The following CDH22 variants were observed in gnomAD, a reference collection of about 807,000 sequenced individuals.
CDH22 encodes the protein cadherin-22.
CDH22 carries 30 observed loss-of-function variants against 58.4 expected under a neutral mutation model. That is an observed-to-expected ratio of 0.51 (90% CI 0.38 to 0.70). The LOEUF is 0.70. CDH22 is among the 30% of genes least tolerant of loss of function. CDH22 has a pLI of 0.00. For missense variants in CDH22, 1,014 were observed against 1,233.9 expected (o/e 0.82, Z 2.67); for synonymous variants, 513 against 558.2 (o/e 0.92, Z 1.14).
At chr20:46,250,071 A>G (rs1159065515) in intron 2 of CDH22, among the ~76,000 whole-genome samples, 1 of 152,180 alleles carries the variant, frequency 6.6e-6, no homozygotes, top group African/African-American at 2.4e-5. Flanking sequence ...TCTCCCCAGC[A>G]TCACACATGG....
intron 8 of CDH22, among the ~76,000 whole-genome samples, chr20:46,198,857 C>A (rs921585793): frequency 6.6e-6 from 1 of 152,068 alleles, no homozygotes; most frequent in Non-Finnish European, 1.5e-5. Flanking sequence ...CTTTTGAGGT[C>A]TTTGTTGAAA....
At chr20:46,181,627 C>CCCTCCCTCCCTA (rs2085784918) in intron 10 of CDH22, among the ~76,000 whole-genome samples, 1 of 142,860 alleles carries the variant, frequency 7.0e-6, no homozygotes, top group Non-Finnish European at 1.5e-5. Context: ...CTCCCTCCCT[C>CCCTCCCTCCCTA]CCTTCCTTCC....
chr20:46,301,504 A>AT lies in CDH22; in HGVS notation c.-400+6750_-400+6751insA, dbSNP rs112789998. Among the ~76,000 whole-genome samples, 489 of 150,022 alleles carry AT rather than the reference A, an allele frequency of 3.3e-3. 7 individuals are homozygous for AT. The highest frequency in any genetic ancestry group is 0.021 in the Middle Eastern group (6 of 288). Reference sequence around the variant, plus strand: ...TTATCTGTAACTTGCCTATTAAAAAAATATATATATATATGTATATATATG... The same window carrying AT: ...TTATCTGTAACTTGCCTATTAAAAAATATATATATATATATGTATATATATG... On this transcript the variant is annotated intron_variant, in intron 1 of 11. Transcript: ENST00000537909.
intron 7 of CDH22, among the ~76,000 whole-genome samples, chr20:46,207,104 A>T (rs948402709): frequency 6.6e-6 from 1 of 152,086 alleles, no homozygotes; most frequent in African/African-American, 2.4e-5. Flanking sequence ...GGCATGGAGG[A>T]GGAGCTGGGT....
intron 4 of CDH22, among the ~76,000 whole-genome samples, chr20:46,223,727 C>CTCTTTCTT (rs10659187): frequency 1.8e-4 from 20 of 111,942 alleles, no homozygotes; most frequent in East Asian, 5.1e-4. Flanking sequence ...TTCTTTCTTT[C>CTCTTTCTT]TCTTTCTTTC....
intron 1 of CDH22, among the ~76,000 whole-genome samples, chr20:46,305,516 A>G (rs1238927263): frequency 6.6e-6 from 1 of 152,142 alleles, no homozygotes; most frequent in African/African-American, 2.4e-5. Flanking sequence ...AGGAATGAGG[A>G]AGTCCTTGGC....
At chr20:46,185,154 C>T (rs2085816241) in intron 10 of CDH22, among the ~76,000 whole-genome samples, 1 of 144,106 alleles carries the variant, frequency 6.9e-6, no homozygotes, top group Non-Finnish European at 1.5e-5. Context: ...CACACACACA[C>T]ACACACACAA....
At position 46,210,765 on chromosome 20, in the gene CDH22, G is replaced by A. The variant is rs1430746056; in HGVS notation, c.1033-205C>T. 6.6e-6 allele frequency among the ~76,000 whole-genome samples: 1 copy of A among 152,224 alleles called. No individual in the cohort carries two copies. Among genetic ancestry groups the A allele is most frequent in the Admixed American group, 6.5e-5 (1 of 15,290 alleles). On this transcript the variant is annotated intron_variant, in intron 6 of 11. Transcript: ENST00000537909. The surrounding 1 kb of genome is among the most constrained non-coding windows in gnomAD (Gnocchi z 4.5). ...GAGAAACTGAGGATCCTCGAGGACA[G>A]TCTTGCCTAAGGACACAGCCACTCC... is the stretch of plus-strand genomic sequence containing the variant.
At chr20:46,177,906 G>T in intron 11 of CDH22, 40 bp downstream of exon 11, 1 of 1,604,058 alleles carries the variant, frequency 6.2e-7, no homozygotes, top group Non-Finnish European at 8.5e-7. Flanking sequence ...GCCAGGATGG[G>T]GCCAATCAGG....
chr20:46,187,522 C>A (rs1289585439), intron 8 of CDH22, among the ~76,000 whole-genome samples: 1 of 151,684 alleles, frequency 6.6e-6, no homozygotes, highest in East Asian at 1.9e-4. Flanking sequence ...TAGTACTACA[C>A]CCATCATCTC....
chr20:46,220,582 GA>G (rs2086116380), intron 4 of CDH22: 1 of 152,456 alleles, frequency 6.6e-6, no homozygotes, highest in South Asian at 2.1e-4. Flanking sequence ...GTAGGATGTG[GA>G]GTCACTGTGT....
chr20:46,218,441 G>C (rs981698763), intron 4 of CDH22, among the ~76,000 whole-genome samples: 1 of 152,190 alleles, frequency 6.6e-6, no homozygotes, highest in African/African-American at 2.4e-5. Context: ...TGGCTGGTGT[G>C]AACTGGACTC....
At chr20:46,268,623 G>T (rs1225936476) in intron 1 of CDH22, among the ~76,000 whole-genome samples, 3 of 152,214 alleles carry the variant, frequency 2.0e-5, no homozygotes, top group Admixed American at 2.0e-4. Context: ...GAGGCTTCAG[G>T]CTGGAGCCTC....
chr20:46,181,756 T>TTCCTTCCTTCCTTCCTTCC lies in CDH22; in HGVS notation c.1664-3560_1664-3559insGGAAGGAAGGAAGGAAGGA, dbSNP rs1410990843. ...CCTTCCTTCCTTCCTTCCTTCCTTC[T>TTCCTTCCTTCCTTCCTTCC]TTCTTTCTTTCTTTCTTTCTTTCTT... On this transcript the variant is annotated intron_variant, in intron 10 of 11. Transcript: ENST00000537909. Among the ~76,000 whole-genome samples, 237 of 27,574 alleles carry TTCCTTCCTTCCTTCCTTCC rather than the reference T, an allele frequency of 8.6e-3. 1 individual carries two copies. The highest frequency in any genetic ancestry group is 0.028 in the African/African-American group (179 of 6,388). The allele number at this position is 27,574 out of a possible 152,430, so 18.1% of individuals were successfully genotyped here.
intron 8 of CDH22, among the ~76,000 whole-genome samples, chr20:46,190,399 G>A (rs561043246): frequency 2.4e-4 from 36 of 152,302 alleles, no homozygotes; most frequent in African/African-American, 8.7e-4. Context: ...CTGATACAAT[G>A]TCAGGGGCCC....
At chr20:46,268,378 G>A (rs910262307) in intron 1 of CDH22, among the ~76,000 whole-genome samples, 3 of 152,232 alleles carry the variant, frequency 2.0e-5, no homozygotes, top group Non-Finnish European at 4.4e-5. Context: ...CTCATCTCCC[G>A]CAGCTCCCCG....
In CDH22 at chr20:46,186,572, G is replaced by A; in HGVS notation, c.1663+16C>T. 6.4e-7 allele frequency: 1 copy of A among 1,570,930 alleles called. No homozygotes were observed. The highest frequency in any genetic ancestry group is 1.3e-5 in the African/African-American group (1 of 74,090). On this transcript the variant is annotated intron_variant, in intron 10 of 11. Transcript: ENST00000537909. ...TGTGCCCCTCCCTTCTTGCATCCTA[G>A]GGTTTGGAGGCTCACCTTGGATGTC...
chr20:46,210,683 G>C lies in CDH22; in HGVS notation c.1033-123C>G, dbSNP rs2425785. On this transcript the variant is annotated intron_variant, in intron 6 of 11. Coordinates refer to ENST00000537909, the MANE Select transcript of CDH22 (RefSeq NM_021248.3). This position sits in a 1 kb window ranked among gnomAD's most constrained non-coding sequence, Gnocchi z 4.5. The stretch of plus-strand genomic sequence containing the variant: ...ACACGTTGTCTCAGCAGGGGCGGCA[G>C]GGATGTTTGGGCTGCATTGCAGAAC... 0.36 allele frequency: 330,303 copies of C among 911,410 alleles called. 61,225 individuals carry two copies. Among genetic ancestry groups the C allele is most frequent in the African/African-American group, 0.49 (27,818 of 57,048 alleles). 56.5% of individuals were successfully genotyped at this position (911,410 alleles called of 1,614,324 possible). A position where few individuals can be genotyped will look rare whatever the true frequency, so the allele number is the denominator to read the frequency against.
At chr20:46,233,760 G>A (rs1044749282) in intron 3 of CDH22, among the ~76,000 whole-genome samples, 7 of 152,220 alleles carry the variant, frequency 4.6e-5, no homozygotes, top group Admixed American at 6.5e-5. Context: ...CCAGGGCCTC[G>A]GCTCCTGTCT....
Sources: gnomAD v4.1 joint callset for allele counts (sites outside exome capture counted in the v4.1 genomes callset) on GRCh38, gnomAD v4.1.1 for gene constraint, Gnocchi (gnomAD v3.1) non-coding constraint, MANE v1.5 for transcripts, NCBI Gene and HGNC (gene_info 2026-07-23, HGNC 2026-07-21) for gene names.